The following LRP1B variants were observed in gnomAD, a reference collection of about 807,000 sequenced individuals.
The protein encoded by LRP1B is LDL receptor related protein 1B, also known as low-density lipoprotein receptor-related protein 1B.
In LRP1B, 217 loss-of-function variants were observed where a neutral mutation model predicts 556.6. The ratio of observed to expected loss-of-function variants is 0.39; its 90% CI spans 0.35 to 0.44. The LOEUF is 0.44. Among genes scored for constraint, LRP1B ranks in the 20% least tolerant of loss-of-function variants. LRP1B has a pLI of 1.00. For missense variants in LRP1B, 5,053 were observed against 5,620.8 expected (o/e 0.90, Z 3.23); for synonymous variants, 2,047 against 1,865.8 (o/e 1.10, Z -2.50).
intron 12 of LRP1B, among the ~76,000 whole-genome samples, chr2:141,017,217 TAG>T (rs1697925327): frequency 0.024 from 12 of 496 alleles, no homozygotes; most frequent in Admixed American, 0.17. Context: ...TAATTCTATG[TAG>T]TTAGGTATAA....
intron 37 of LRP1B, among the ~76,000 whole-genome samples, chr2:140,703,225 CA>C (rs1364831867): frequency 6.6e-6 from 1 of 151,922 alleles, no homozygotes; most frequent in Non-Finnish European, 1.5e-5. Context: ...CGGTTTTATG[CA>C]AAAGCAGAAA....
At chr2:141,445,034 T>G (rs1450324262) in intron 3 of LRP1B, among the ~76,000 whole-genome samples, 1 of 152,184 alleles carries the variant, frequency 6.6e-6, no homozygotes, top group African/African-American at 2.4e-5. Context: ...CTGGTAGAAT[T>G]TGGCTGTGAA....
chr2:141,036,504 A>G lies in LRP1B; in HGVS notation c.1789+12482T>C, dbSNP rs1698536210. Among the ~76,000 whole-genome samples, 3 of 152,106 alleles carry G rather than the reference A, an allele frequency of 2.0e-5. No individual in the cohort carries two copies. The South Asian group carries it at 6.2e-4, about 31-fold the overall frequency. On this transcript the variant is annotated intron_variant, in intron 11 of 90. Coordinates refer to ENST00000389484, the MANE Select transcript of LRP1B (RefSeq NM_018557.3). ...AGACCTTCCACCTCCCTGAAGCAAG[A>G]CAACGGTCCTGTGAAAGAGGTACAA...
chr2:141,978,438 GAATT>G (rs1182745247), intron 1 of LRP1B, among the ~76,000 whole-genome samples: 4 of 151,958 alleles, frequency 2.6e-5, no homozygotes, highest in African/African-American at 9.7e-5. Context: ...GTATGGTGTA[GAATT>G]AATAACTTAT....
At chr2:140,437,879 ATATCT>A (rs1267799483) in intron 66 of LRP1B, among the ~76,000 whole-genome samples, 3 of 152,172 alleles carry the variant, frequency 2.0e-5, no homozygotes, top group African/African-American at 4.8e-5. Flanking sequence ...TTTAACAGAG[ATATCT>A]TATACCAAAT....
chr2:141,257,596 G>GTGTT (rs1486141728), intron 3 of LRP1B, among the ~76,000 whole-genome samples: 1 of 152,212 alleles, frequency 6.6e-6, no homozygotes. Flanking sequence ...ATGGTTCTGA[G>GTGTT]TGTTAGGAGG....
At chr2:141,870,942 C>G (rs1449260173) in intron 1 of LRP1B, among the ~76,000 whole-genome samples, 1 of 151,846 alleles carries the variant, frequency 6.6e-6, no homozygotes, top group South Asian at 2.1e-4. Context: ...GTGCACTAGT[C>G]CCCCCTGGAC....
intron 5 of LRP1B, among the ~76,000 whole-genome samples, chr2:141,246,055 A>C (rs995447322): frequency 6.6e-6 from 1 of 152,214 alleles, no homozygotes. Flanking sequence ...TGTGATAAAT[A>C]TATATAAATG....
intron 11 of LRP1B, among the ~76,000 whole-genome samples, chr2:141,035,262 G>A (rs1010101773): frequency 6.6e-6 from 1 of 151,882 alleles, no homozygotes; most frequent in Non-Finnish European, 1.5e-5. Context: ...GCTAAATGAC[G>A]AGTTAATGGG....
At chr2:141,827,112 T>C in intron 1 of LRP1B, among the ~76,000 whole-genome samples, 1 of 152,202 alleles carries the variant, frequency 6.6e-6, no homozygotes, top group Non-Finnish European at 1.5e-5. Context: ...TTAAATAAGA[T>C]GTCACCTCAT....
chr2:141,711,471 T>G (rs1290289637), intron 2 of LRP1B, among the ~76,000 whole-genome samples: 1 of 152,108 alleles, frequency 6.6e-6, no homozygotes, highest in Non-Finnish European at 1.5e-5. Context: ...GTAGAGACAT[T>G]AGAAGAGAGC....
At chr2:142,080,295 A>G (rs1302040684) in intron 1 of LRP1B, among the ~76,000 whole-genome samples, 1 of 152,122 alleles carries the variant, frequency 6.6e-6, no homozygotes, top group Admixed American at 6.5e-5. Context: ...GCCTCTTCTG[A>G]GTGTGTTAAA....
rs145525612 is a variant in LRP1B, at chr2:141,408,299, C to T, written c.343+72097G>A. On this transcript the variant is annotated intron_variant, in intron 3 of 90. Transcript: ENST00000389484. ...CTGGGGCTACAGGTACCCGCCACCA[C>T]GCGCAGCTAATTTTTTTTGTATTTT... is the stretch of plus-strand genomic sequence containing the variant. 3.8e-3 allele frequency among the ~76,000 whole-genome samples: 581 copies of T among 152,034 alleles called. 3 individuals carry two copies. Among genetic ancestry groups the T allele is most frequent in the Middle Eastern group, 0.034 (10 of 294 alleles).
chr2:140,320,596 T>C (rs1034468067), intron 82 of LRP1B, among the ~76,000 whole-genome samples: 1 of 152,102 alleles, frequency 6.6e-6, no homozygotes, highest in African/African-American at 2.4e-5. Context: ...ACATTTTTTT[T>C]TTTTCCTTTT....
intron 2 of LRP1B, among the ~76,000 whole-genome samples, chr2:141,803,158 T>C (rs1696064013): frequency 6.6e-6 from 1 of 151,750 alleles, no homozygotes; most frequent in Non-Finnish European, 1.5e-5. Flanking sequence ...ACTTTTGTCA[T>C]TGCTGAGCTC....
chr2:140,915,100 A>G (rs1694535726), intron 21 of LRP1B, among the ~76,000 whole-genome samples: 3 of 152,198 alleles, frequency 2.0e-5, no homozygotes, highest in Admixed American at 2.0e-4. Flanking sequence ...CCATCAAGGG[A>G]AGCCATTGGA....
intron 7 of LRP1B, among the ~76,000 whole-genome samples, chr2:141,152,066 A>T (rs1701939409): frequency 6.6e-6 from 1 of 152,104 alleles, no homozygotes; most frequent in African/African-American, 2.4e-5. Context: ...GTAAGAAAGG[A>T]TCTAACTGGG....
chr2:140,493,598 T>C (rs950791860), intron 56 of LRP1B, among the ~76,000 whole-genome samples: 3 of 152,000 alleles, frequency 2.0e-5, no homozygotes, highest in South Asian at 2.1e-4. Context: ...TTAAGACACA[T>C]TCATAAACTT....
At chr2:141,700,121 T>C (rs1691887070) in intron 2 of LRP1B, among the ~76,000 whole-genome samples, 1 of 151,266 alleles carries the variant, frequency 6.6e-6, no homozygotes, top group African/African-American at 2.4e-5. Context: ...AGGCTTCTGG[T>C]AAGTACACAG....
Sources: gnomAD v4.1 joint callset for allele counts (sites outside exome capture counted in the v4.1 genomes callset) on GRCh38, gnomAD v4.1.1 for gene constraint, MANE v1.5 for transcripts, NCBI Gene and HGNC (gene_info 2026-07-23, HGNC 2026-07-21) for gene names.